PPL: variants seen among roughly 807,000 people sequenced by gnomAD.
PPL encodes 190 kDa paraneoplastic pemphigus antigen.
PPL carries 198 observed loss-of-function variants against 194.4 expected under a neutral mutation model. The observed-to-expected ratio is 1.02, with a 90% CI of 0.91 to 1.15. The LOEUF (loss-of-function observed/expected upper bound fraction) is 1.15, where lower values mean the gene tolerates loss of function less well. Ranked by LOEUF, PPL falls within the 50% of genes most tolerant of loss-of-function variation. PPL has a pLI of 0.00. For missense variants in PPL, 2,885 were observed against 2,294.8 expected (o/e 1.26, Z -5.25); for synonymous variants, 1,220 against 972.4 (o/e 1.25, Z -4.74).
chr16:4,922,430 G>A (rs1325900768), intron 1 of PPL, among the ~76,000 whole-genome samples: 1 of 152,200 alleles, frequency 6.6e-6, no homozygotes, highest in Non-Finnish European at 1.5e-5. Context: ...GGGAGGCTGA[G>A]GTGGGCAGAT....
intron 1 of PPL, among the ~76,000 whole-genome samples, chr16:4,936,471 T>C (rs2089299867): frequency 6.6e-6 from 1 of 152,108 alleles, no homozygotes; most frequent in Non-Finnish European, 1.5e-5. Context: ...CCAGGAACAC[T>C]TGCGCGGTCT....
At position 4,886,063 on chromosome 16, in the gene PPL, C is replaced by G. The variant is rs1391909776; in HGVS notation, c.2608-16G>C. 3.7e-6 allele frequency: 6 copies of G among 1,613,690 alleles called. No homozygotes were observed. Among genetic ancestry groups the G allele is most frequent in the Non-Finnish European group, 5.1e-6 (6 of 1,180,002 alleles). The stretch of plus-strand genomic sequence containing the variant: ...CTTCCGGCTGCTGTGATGGAGAAGA[C>G]AAGACAAGGTTAAAGCCAGGCTCTG... On this transcript the variant is annotated splice_polypyrimidine_tract_variant and intron_variant, in intron 21 of 21. Transcript: ENST00000345988.
intron 20 of PPL, among the ~76,000 whole-genome samples, chr16:4,887,788 G>T (rs1385468052): frequency 1.3e-5 from 2 of 152,084 alleles, no homozygotes; most frequent in Non-Finnish European, 2.9e-5. Flanking sequence ...TAGATATGGG[G>T]TCCTGCTTTG....
chr16:4,887,166 T>A lies in PPL; in HGVS notation c.2576A>T (p.Asn859Ile). The change falls in exon 21 of 22, where the codon AAT becomes ATT. Residue 859 changes from asparagine to isoleucine, a missense_variant. By Grantham distance (149) the Asn-to-Ile change is moderately radical. Transcript: ENST00000345988. ...VYAINRQRLQ[N>I]LEFALNLLRQ... ...GAGGAGATTCAGAGCAAACTCCAGA[T>A]TCTGCAGCCTCTGTCTGTTGATGGC... 1 of 1,614,144 alleles carries A rather than the reference T, an allele frequency of 6.2e-7. No individual in the cohort carries two copies. The highest frequency in any genetic ancestry group is 8.5e-7 in the Non-Finnish European group (1 of 1,179,964).
intron 14 of PPL, 176 bp downstream of exon 14, chr16:4,893,037 G>T: frequency 1.3e-6 from 1 of 776,846 alleles, no homozygotes; most frequent in Non-Finnish European, 1.9e-6. Flanking sequence ...GGGAGGTAAT[G>T]ACAGCAGCCC....
At position 4,891,846 on chromosome 16, in the gene PPL, T is replaced by G. The variant is rs758498618; in HGVS notation, c.1933A>C (p.Ser645Arg). 1 of 1,613,388 alleles carries G rather than the reference T, an allele frequency of 6.2e-7. No individual in the cohort carries two copies. The change falls in exon 16 of 22, where the codon AGC (serine) becomes CGC (arginine). Residue 645 changes from serine (S) to arginine (R), a missense_variant. By Grantham distance (110) the Ser-to-Arg change is moderately radical. Transcript: ENST00000345988. ...TGCCCCTTGCTGTCCAGGACACGGC[T>G]GCTCTCAGGCACTGTGTCATCCTGA... ...LNQDDTVPES[S>R]RVLDSKGQEL... is the part of the protein sequence containing the mutation.
chr16:4,904,054 A>T lies in PPL; in HGVS notation c.163-14T>A. On this transcript the variant is annotated splice_polypyrimidine_tract_variant and intron_variant, in intron 2 of 21. Coordinates refer to ENST00000345988, the MANE Select transcript of PPL (RefSeq NM_002705.5). ...CCGAGCCAGGTCCTGTGAGGGTCAC[A>T]AGAGAGGGGACAATGAACAGGAGCC... The T allele has an allele frequency of 6.2e-7, 1 of 1,608,674 alleles. No homozygotes were observed.
At chr16:4,904,892 C>G (rs1461650218) in intron 2 of PPL, among the ~76,000 whole-genome samples, 2 of 152,178 alleles carry the variant, frequency 1.3e-5, no homozygotes, top group Admixed American at 1.3e-4. Flanking sequence ...GGGGGGATAT[C>G]TGGAAGGGGC....
rs1042510699 is a variant in PPL at position 4,884,486 on chromosome 16, C to T, written c.4169G>A (p.Arg1390Gln). The T allele has an allele frequency of 1.7e-5, 27 of 1,605,992 alleles. No homozygotes were observed. The African/African-American group carries it at 1.7e-4, about 10-fold the overall frequency. The change falls in exon 22 of 22, where the codon CGG (arginine) becomes CAG (glutamine). Residue 1390 changes from arginine to glutamine, a missense_variant. Transcript: ENST00000345988. This position sits in a 1 kb window ranked among gnomAD's most constrained non-coding sequence, Gnocchi z 5.7. ...RQIDKLRAELRRLQRRRTELE... is the reference protein window; with the variant it reads ...RQIDKLRAELQRLQRRRTELE... The stretch of plus-strand genomic sequence containing the variant: ...CTCGGTGCGCCGGCGCTGCAGCCGC[C>T]GCAGCTCTGCCCGCAGCTTGTCAAT...
intron 21 of PPL, 83 bp downstream of exon 21, chr16:4,887,052 A>G: frequency 1.6e-6 from 2 of 1,216,010 alleles, no homozygotes; most frequent in Non-Finnish European, 2.4e-6. Flanking sequence ...CCATCAATTC[A>G]CAAACCATTT....
Position 4,902,608 on chromosome 16 carries a change from C to T in PPL, c.318-82G>A. On this transcript the variant is annotated intron_variant, in intron 3 of 21. Coordinates refer to ENST00000345988, the MANE Select transcript of PPL (RefSeq NM_002705.5). The surrounding 1 kb of genome is among the most constrained non-coding windows in gnomAD (Gnocchi z 4.0). ...GAGGGGCCCCCCACCCAGACCCCGG[C>T]CTCAGTGTCCTGGAAGGACACAGTG... 1 of 1,513,800 alleles carries T rather than the reference C, an allele frequency of 6.6e-7. No homozygotes were observed. The highest frequency in any genetic ancestry group is 9.0e-7 in the Non-Finnish European group (1 of 1,116,578). 93.8% of individuals were successfully genotyped at this position (1,513,800 alleles called of 1,614,324 possible). A position where few individuals can be genotyped will look rare whatever the true frequency, so the allele number is the denominator to read the frequency against.
At chr16:4,918,485 A>G (rs1204861615) in intron 1 of PPL, among the ~76,000 whole-genome samples, 2 of 152,132 alleles carry the variant, frequency 1.3e-5, no homozygotes, top group African/African-American at 4.8e-5. Flanking sequence ...AGTCACATAT[A>G]TATTAGCTCA....
In PPL at chr16:4,910,872, T is replaced by A. The variant is rs773825260; in HGVS notation, c.140A>T (p.Asp47Val). Residue 47 changes from aspartate (D) to valine (V), a missense_variant, in exon 2 of 22, where the codon GAC becomes GTC. By Grantham distance (152) the Asp-to-Val change is radical. Coordinates refer to ENST00000345988, the MANE Select transcript of PPL (RefSeq NM_002705.5). ...NADQVEKNIVDTEAKMQSDLA... is the reference protein window; with the variant it reads ...NADQVEKNIVVTEAKMQSDLA... ...CACACTCTGCATCTTGGCCTCTGTG[T>A]CCACGATGTTCTTCTCCACCTGGTC... 1 of 1,613,982 alleles carries A rather than the reference T, an allele frequency of 6.2e-7. No homozygotes were observed. The highest frequency in any genetic ancestry group is 8.5e-7 in the Non-Finnish European group (1 of 1,179,992).
At chr16:4,931,546 C>G (rs1028606522) in intron 1 of PPL, among the ~76,000 whole-genome samples, 3 of 152,172 alleles carry the variant, frequency 2.0e-5, no homozygotes, top group Admixed American at 1.3e-4. Context: ...GAGGCCGTTT[C>G]CCCATTCGCT....
intron 2 of PPL, among the ~76,000 whole-genome samples, chr16:4,910,080 A>G (rs1319965257): frequency 3.3e-5 from 5 of 152,164 alleles, no homozygotes; most frequent in South Asian, 2.1e-4. Context: ...GTTTAAAGAG[A>G]AGGTGACCAT....
chr16:4,885,921 C>T lies in PPL; in HGVS notation c.2734G>A (p.Glu912Lys), dbSNP rs746629139. 54 of 1,612,176 alleles carry T rather than the reference C, an allele frequency of 3.3e-5. No homozygotes were observed. The highest frequency in any genetic ancestry group is 6.7e-5 in the African/African-American group (5 of 74,924). Residue 912 changes from glutamate (E) to lysine (K), a missense_variant, in exon 22 of 22, where the codon GAG becomes AAG. Coordinates refer to ENST00000345988, the MANE Select transcript of PPL (RefSeq NM_002705.5). This position sits in a 1 kb window ranked among gnomAD's most constrained non-coding sequence, Gnocchi z 6.3. ...ATTTCTTCCTGGGTGCTCTTGACCT[C>T]GTTCTCCAGCTGCCGCCTCCGCTCA... Reference protein sequence around the residue: ...ETERRRQLENEVKSTQEEIWT... With the variant: ...ETERRRQLENKVKSTQEEIWT...
chr16:4,937,002 G>C lies in PPL; in HGVS notation c.44C>G (p.Pro15Arg). 6.4e-7 allele frequency: 1 copy of C among 1,558,716 alleles called. No individual in the cohort carries two copies. The highest frequency in any genetic ancestry group is 8.7e-7 in the Non-Finnish European group (1 of 1,152,496). Residue 15 changes from proline (P) to arginine (R), a missense_variant, in exon 1 of 22, where the codon CCC becomes CGC. Pro to Arg is a moderately radical substitution (Grantham distance 103, BLOSUM62 -2). Transcript: ENST00000345988. ...FRKRNKGKYS[P>R]TVQTRSISNK... ...TCCTCACCTCCGGGTCTGCACAGTG[G>C]GGCTGTATTTGCCTTTGTTTCTCTT...
intron 1 of PPL, among the ~76,000 whole-genome samples, chr16:4,911,366 T>A (rs1467219052): frequency 6.6e-6 from 1 of 152,126 alleles, no homozygotes; most frequent in African/African-American, 2.4e-5. Flanking sequence ...TCCACCATGT[T>A]GGCCAGGCTG....
chr16:4,886,997 G>C (rs1264907329), intron 21 of PPL, 138 bp downstream of exon 21: 11 of 725,100 alleles, frequency 1.5e-5, no homozygotes, highest in Non-Finnish European at 1.5e-5. Flanking sequence ...GCTCGGGCCA[G>C]TCTTTGCATT....
Sources: allele counts gnomAD v4.1 joint callset (sites outside exome capture counted in the v4.1 genomes callset), GRCh38; gene constraint gnomAD v4.1.1; non-coding constraint Gnocchi (gnomAD v3.1); transcripts MANE v1.5; gene names NCBI Gene and HGNC (gene_info 2026-07-23, HGNC 2026-07-21).